Variants in PRDM4 observed in about 807,000 individuals in gnomAD.
PRDM4 encodes the protein PR domain zinc finger protein 4.
PRDM4 carries 38 observed loss-of-function variants against 62.3 expected under a neutral mutation model. That is an observed-to-expected ratio of 0.61 (90% confidence interval 0.47 to 0.80). The LOEUF (loss-of-function observed/expected upper bound fraction) is 0.80, where lower values mean the gene tolerates loss of function less well. Among genes scored for constraint, PRDM4 ranks in the 30% least tolerant of loss-of-function variants. The pLI is 0.00. For missense variants in PRDM4, 858 were observed against 997.1 expected, an observed-to-expected ratio of 0.86 and a Z score of 1.88; for synonymous variants, 339 against 348.2, an observed-to-expected ratio of 0.97 and a Z score of 0.30.
At position 107,734,218 on chromosome 12, in the gene PRDM4, G is replaced by T; in HGVS notation, c.2398C>A (p.His800Asn). 5.1e-6 allele frequency: 8 copies of T among 1,583,218 alleles called. No homozygotes were observed. Among genetic ancestry groups the T allele is most frequent in the Non-Finnish European group, 6.9e-6 (8 of 1,166,684 alleles). Residue 800 changes from histidine to asparagine, a missense_variant, in exon 12 of 12, where the codon CAT becomes AAT. Physicochemically the swap from His to Asn is moderately conservative, Grantham distance 68. This residue lies in a region of PRDM4 where 355 missense variants were observed against 432.6 expected (regional missense o/e 0.82). Transcript: ENST00000228437. ...GCTTGTTTCTTTTCCTTTTATTTAT[G>T]TGCAGAAAGAGACTCATCCGCTGAA... ...VYSADESLSAHK is the reference protein window; with the variant it reads ...VYSADESLSANK
chr12:107,746,148 A>G (rs929405729), intron 6 of PRDM4, 127 bp downstream of exon 6: 86 of 1,163,478 alleles, frequency 7.4e-5, no homozygotes, highest in Non-Finnish European at 5.2e-5. Context: ...CCATAAAAGC[A>G]TAAATCTTAA....
At position 107,760,660 on chromosome 12, in the gene PRDM4, C is replaced by T. The variant is rs1891216406; in HGVS notation, c.-145G>A. 4 of 991,222 alleles carry T rather than the reference C, an allele frequency of 4.0e-6. No homozygotes were observed. In the South Asian group the frequency reaches 6.6e-5, roughly 16 times the overall value. 61.4% of individuals were successfully genotyped at this position (991,222 alleles called of 1,614,324 possible). A position where few individuals can be genotyped will look rare whatever the true frequency, so the allele number is the denominator to read the frequency against. On this transcript the variant is annotated 5_prime_UTR_variant, in exon 2 of 12. Coordinates refer to ENST00000228437, the MANE Select transcript of PRDM4 (RefSeq NM_012406.4). ...CACTCGTCCCCGGGGTCGCCCGGGG[C>T]CGCCCAACTTCTCCCGAGGGCCGGT...
Position 107,754,082 on chromosome 12 carries a change from C to T in PRDM4, c.173G>A (p.Gly58Asp). Residue 58 changes from glycine (G) to aspartate (D), a missense_variant, in exon 4 of 12, where the codon GGT becomes GAT. This residue lies in a region of PRDM4 where 499 missense variants were observed against 546.7 expected (regional missense o/e 0.91). Coordinates refer to ENST00000228437, the MANE Select transcript of PRDM4 (RefSeq NM_012406.4). ...AGAAGGCAGAGAGCTCAGGGAGGGA[C>T]CCAGGTTTGGAATTGCCACTGGGAG... ...PGLPVAIPNL[G>D]PSLSSLPSAL... 6.2e-7 allele frequency: 1 copy of T among 1,607,044 alleles called. No individual in the cohort carries two copies. The highest frequency in any genetic ancestry group is 8.5e-7 in the Non-Finnish European group (1 of 1,177,020).
chr12:107,748,488 A>G (rs1369926793), intron 5 of PRDM4, among the ~76,000 whole-genome samples: 1 of 152,246 alleles, frequency 6.6e-6, no homozygotes, highest in Non-Finnish European at 1.5e-5. Context: ...ATTACAGATT[A>G]TTCAGCTCTA....
chr12:107,735,487 G>C (rs1460699004), intron 11 of PRDM4, among the ~76,000 whole-genome samples: 1 of 152,008 alleles, frequency 6.6e-6, no homozygotes, highest in African/African-American at 2.4e-5. Context: ...TCTTAGACTA[G>C]TGGTTCTCAA....
Position 107,753,995 on chromosome 12 carries a change from T to C in PRDM4, c.260A>G (p.Glu87Gly). Residue 87 changes from glutamate to glycine, a missense_variant, in exon 4 of 12, where the codon GAA becomes GGA. By Grantham distance (98) the Glu-to-Gly change is moderately conservative (BLOSUM62 -2). Transcript: ENST00000228437. ...GDRGVMCGLP[E>G]RNYTLPPPPY... is the part of the protein sequence containing the mutation. Reference sequence around the variant, plus strand: ...TGGTGGAGGTAGGGTGTAGTTTCTTTCAGGTAACCCACACATCACCCCTCG... The same window carrying C: ...TGGTGGAGGTAGGGTGTAGTTTCTTCCAGGTAACCCACACATCACCCCTCG... The C allele has an allele frequency of 6.2e-7, 1 of 1,614,154 alleles. No individual in the cohort carries two copies. Among genetic ancestry groups the C allele is most frequent in the Non-Finnish European group, 8.5e-7 (1 of 1,180,012 alleles).
At chr12:107,740,255 G>A (rs73189568) in intron 10 of PRDM4, among the ~76,000 whole-genome samples, 10,664 of 152,210 alleles carry the variant, frequency 0.07, 441 homozygotes, top group African/African-American at 0.11. Flanking sequence ...GGGAGGCTGA[G>A]GTAAGCAGAC....
At chr12:107,753,385 A>G (rs550051911) in intron 4 of PRDM4, among the ~76,000 whole-genome samples, 27 of 150,392 alleles carry the variant, frequency 1.8e-4, no homozygotes, top group Admixed American at 1.1e-3. Context: ...GAAAAAAAAA[A>G]AAAAGAAAAG....
intron 5 of PRDM4, among the ~76,000 whole-genome samples, chr12:107,750,523 G>A (rs970715638): frequency 9.9e-5 from 15 of 152,208 alleles, no homozygotes; most frequent in Non-Finnish European, 1.5e-4. Context: ...TAGCCTGGGC[G>A]ACAGAGAAAC....
chr12:107,760,507 G>C lies in PRDM4; in HGVS notation c.9C>G (p.His3Gln). The change falls in exon 2 of 12, where the codon CAC becomes CAG. Residue 3 changes from histidine (H) to glutamine (Q), a missense_variant and splice_region_variant. Around this residue, in one of 3 missense-constraint regions of PRDM4, gnomAD observed 499 missense variants for 546.7 expected, o/e 0.91. Coordinates refer to ENST00000228437, the MANE Select transcript of PRDM4 (RefSeq NM_012406.4). The part of the protein sequence containing the change: MH[H>Q]RMNEMNLSPV... ...CTGAAGCCCACCTCCCTACTCACCT[G>C]TGATGCATCGGCTTGGGGCCAAATA... 3 of 1,613,542 alleles carry C rather than the reference G, an allele frequency of 1.9e-6. No individual in the cohort carries two copies. Among genetic ancestry groups the C allele is most frequent in the Non-Finnish European group, 2.5e-6 (3 of 1,179,744 alleles).
At chr12:107,747,754 T>C (rs1464764147) in intron 5 of PRDM4, among the ~76,000 whole-genome samples, 1 of 152,120 alleles carries the variant, frequency 6.6e-6, no homozygotes, top group East Asian at 1.9e-4. Flanking sequence ...ATTCACAAAA[T>C]AGTTGGAATA....
At chr12:107,758,057 C>T (rs1459669424) in intron 2 of PRDM4, among the ~76,000 whole-genome samples, 1 of 152,004 alleles carries the variant, frequency 6.6e-6, no homozygotes, top group East Asian at 1.9e-4. Context: ...GAAGAGGAAT[C>T]AAATGAGGTT....
intron 11 of PRDM4, chr12:107,738,603 G>A (rs1890410124): frequency 1.3e-5 from 2 of 152,248 alleles, no homozygotes; most frequent in Admixed American, 1.3e-4. Context: ...TATGACCACT[G>A]TGACTAATGC....
At chr12:107,746,213 A>G (rs576754010) in intron 6 of PRDM4, 62 bp downstream of exon 6, 2 of 1,572,700 alleles carry the variant, frequency 1.3e-6, no homozygotes, top group African/African-American at 2.7e-5. Flanking sequence ...ATCCACTTTT[A>G]CAACTCTACG....
intron 5 of PRDM4, 73 bp from the exon 6 acceptor site, chr12:107,746,497 T>A (rs538950730): frequency 2.2e-6 from 3 of 1,387,920 alleles, no homozygotes; most frequent in African/African-American, 3.0e-5. Context: ...CGGTTTTTTT[T>A]TTTTTTGAGA....
intron 3 of PRDM4, among the ~76,000 whole-genome samples, chr12:107,756,044 C>G (rs1891055764): frequency 6.6e-6 from 1 of 152,130 alleles, no homozygotes; most frequent in South Asian, 2.1e-4. Flanking sequence ...GAGCCGAGAT[C>G]GTGCCATTGC....
At chr12:107,742,551 G>A in intron 8 of PRDM4, 1 of 576,560 alleles carries the variant, frequency 1.7e-6, no homozygotes, top group South Asian at 2.2e-5. Flanking sequence ...ATTAGCTGAT[G>A]ACCTTTTGTA....
intron 10 of PRDM4, 57 bp downstream of exon 10, chr12:107,740,889 C>G: frequency 6.5e-7 from 1 of 1,530,194 alleles, no homozygotes; most frequent in Non-Finnish European, 8.9e-7. Flanking sequence ...AAAGCCTTTA[C>G]TACCGCATTT....
At chr12:107,744,936 T>C (rs1890643613) in intron 6 of PRDM4, among the ~76,000 whole-genome samples, 1 of 152,216 alleles carries the variant, frequency 6.6e-6, no homozygotes, top group South Asian at 2.1e-4. Context: ...GGCGCACGCC[T>C]GTAGTCCCAG....
Sources: gnomAD v4.1 joint callset for allele counts (sites outside exome capture counted in the v4.1 genomes callset) on GRCh38, gnomAD v4.1.1 for gene constraint, gnomAD v4.1.1 regional missense constraint, MANE v1.5 for transcripts, NCBI Gene and HGNC (gene_info 2026-07-23, HGNC 2026-07-21) for gene names.